The following DST variants were observed in gnomAD, a reference collection of about 807,000 sequenced individuals.
DST encodes the protein dystonin.
DST carries 253 observed loss-of-function variants against 875.2 expected under a neutral mutation model. That is an observed-to-expected ratio of 0.29 (90% CI 0.26 to 0.32). DST has a LOEUF of 0.32. Among genes scored for constraint, DST ranks in the 10% least tolerant of loss-of-function variants. The pLI, the probability that DST is intolerant of heterozygous loss-of-function variation, is 1.00. For missense variants in DST, 8,287 were observed against 9,111.6 expected (o/e 0.91, Z 3.68); for synonymous variants, 3,124 against 3,197.1 (o/e 0.98, Z 0.77).
At chr6:56,856,215 G>A (rs955716578) in intron 3 of DST, among the ~76,000 whole-genome samples, 8 of 152,128 alleles carry the variant, frequency 5.3e-5, no homozygotes, top group South Asian at 4.1e-4. Flanking sequence ...CTGAAACCCC[G>A]GTGGGGGATC....
intron 9 of DST, among the ~76,000 whole-genome samples, chr6:56,698,450 C>T (rs1468408434): frequency 2.0e-5 from 3 of 152,032 alleles, no homozygotes; most frequent in Admixed American, 2.0e-4. Context: ...CTCAGCCTCC[C>T]GAGTAGCTGG....
chr6:56,593,728 T>C lies in DST; in HGVS notation c.12661A>G (p.Thr4221Ala). ...RDGGKVDTSATHREVQRKLDH... is the reference protein window; with the variant it reads ...RDGGKVDTSAAHREVQRKLDH... The stretch of plus-strand genomic sequence containing the variant: ...AACTTGCGCTGCACTTCTCTGTGGG[T>C]TGCAGAAGTATCAACCTTGCCACCG... Residue 4221 changes from threonine (T) to alanine (A), a missense_variant, in exon 48 of 104, where the codon ACC becomes GCC. Around this residue, in one of 10 missense-constraint regions of DST, gnomAD observed 1,513 missense variants for 1,677.8 expected, o/e 0.90. Coordinates refer to ENST00000680361, the MANE Select transcript of DST (RefSeq NM_001374736.1). The C allele has an allele frequency of 6.2e-6, 10 of 1,613,682 alleles. No individual in the cohort carries two copies. Among genetic ancestry groups the C allele is most frequent in the Non-Finnish European group, 8.5e-6 (10 of 1,179,680 alleles).
intron 61 of DST, among the ~76,000 whole-genome samples, 153 bp downstream of exon 61, chr6:56,552,031 C>A (rs2097334223): frequency 6.6e-6 from 1 of 152,188 alleles, no homozygotes; most frequent in Admixed American, 6.5e-5. Context: ...GCCCCACCTG[C>A]CTGGGTGTTA....
intron 97 of DST, 156 bp downstream of exon 97, chr6:56,469,727 A>T: frequency 1.5e-6 from 1 of 650,538 alleles, no homozygotes; most frequent in Non-Finnish European, 2.7e-6. Context: ...TATACAAATT[A>T]AAATGTTAAA....
At chr6:56,924,677 G>GT (rs796988421) in intron 2 of DST, among the ~76,000 whole-genome samples, 35 of 151,294 alleles carry the variant, frequency 2.3e-4, no homozygotes, top group South Asian at 6.3e-4. Flanking sequence ...AAGAGAGCTA[G>GT]TTTTTTTTTG....
chr6:56,479,827 C>G (rs907836138), intron 90 of DST, among the ~76,000 whole-genome samples: 1 of 152,154 alleles, frequency 6.6e-6, no homozygotes, highest in East Asian at 1.9e-4. Flanking sequence ...TATTGGGTAC[C>G]GTGTTTAACA....
intron 9 of DST, among the ~76,000 whole-genome samples, chr6:56,676,075 T>C (rs2099128201): frequency 6.6e-6 from 1 of 152,046 alleles, no homozygotes; most frequent in South Asian, 2.1e-4. Flanking sequence ...TGGTTTTTGT[T>C]TGTTTGTTTG....
chr6:56,773,096 T>C (rs533628126), intron 4 of DST, among the ~76,000 whole-genome samples: 2 of 152,008 alleles, frequency 1.3e-5, no homozygotes, highest in Non-Finnish European at 2.9e-5. Context: ...AGCTGAGCCT[T>C]GAGATGACTA....
intron 85 of DST, among the ~76,000 whole-genome samples, chr6:56,491,162 CA>C (rs1447623535): frequency 6.6e-6 from 1 of 152,150 alleles, no homozygotes; most frequent in Non-Finnish European, 1.5e-5. Context: ...TCACACCTCC[CA>C]TTCAAAATGG....
chr6:56,836,713 T>C (rs1420081903), intron 4 of DST, among the ~76,000 whole-genome samples: 1 of 150,834 alleles, frequency 6.6e-6, no homozygotes, highest in African/African-American at 2.4e-5. Flanking sequence ...TAGCCGGGCG[T>C]GATGGCGGGC....
intron 9 of DST, among the ~76,000 whole-genome samples, chr6:56,677,816 G>A (rs2099137984): frequency 6.6e-6 from 1 of 152,070 alleles, no homozygotes; most frequent in African/African-American, 2.4e-5. Context: ...TATTTGATCT[G>A]GGCTTTATCT....
At chr6:56,479,267 T>C (rs2095320703) in intron 90 of DST, among the ~76,000 whole-genome samples, 1 of 151,918 alleles carries the variant, frequency 6.6e-6, no homozygotes, top group African/African-American at 2.4e-5. Flanking sequence ...TACTAAAAAG[T>C]GAAAAAACAA....
chr6:56,591,583 T>C (rs901612682), intron 49 of DST, among the ~76,000 whole-genome samples: 4 of 152,110 alleles, frequency 2.6e-5, no homozygotes, highest in Admixed American at 1.3e-4. Context: ...GATAAGTAAG[T>C]ATAAAGATAA....
At chr6:56,549,765 ATGAACAATGGC>A (rs1463725562) in intron 61 of DST, among the ~76,000 whole-genome samples, 1 of 152,314 alleles carries the variant, frequency 6.6e-6, no homozygotes, top group African/African-American at 2.4e-5. Flanking sequence ...TTGGATTAAA[ATGAACAATGGC>A]TGGGTATTCG....
At chr6:56,534,409 A>G (rs2096956633) in intron 63 of DST, among the ~76,000 whole-genome samples, 1 of 152,110 alleles carries the variant, frequency 6.6e-6, no homozygotes. Flanking sequence ...CATTGCTATC[A>G]GGGGCACAAA....
Position 56,714,288 on chromosome 6 carries a change from T to C in DST, c.688-9919A>G, listed in dbSNP as rs1255819551. Among the ~76,000 whole-genome samples, 2 of 152,234 alleles carry C rather than the reference T, an allele frequency of 1.3e-5. No homozygotes were observed. The highest frequency in any genetic ancestry group is 1.3e-4 in the Admixed American group (2 of 15,278). On this transcript the variant is annotated intron_variant, in intron 5 of 103. Transcript: ENST00000680361. The surrounding 1 kb of genome is among the most constrained non-coding windows in gnomAD (Gnocchi z 4.5). ...TGACAGATGCTATATACACTCCTGT[T>C]AAATTAATCTCTGCAACAGAAATAT...
At chr6:56,750,068 G>C (rs2099582960) in intron 4 of DST, among the ~76,000 whole-genome samples, 1 of 152,124 alleles carries the variant, frequency 6.6e-6, no homozygotes, top group Non-Finnish European at 1.5e-5. Flanking sequence ...TGAGCAAAAG[G>C]AAAGGCACAC....
rs2097721542 is a variant in DST, at chr6:56,568,551, T to C, written c.13923A>G (p.Lys4641=). 10 of 1,612,446 alleles carry C rather than the reference T, an allele frequency of 6.2e-6. No individual in the cohort carries two copies. In the East Asian group the frequency reaches 2.2e-4, roughly 36 times the overall value. ...ATAGTGAGATCCCACTGTTGTTTAC[T>C]TTCTGAATCTCTGGTGTTTTTAAAC... The part of the protein sequence containing the change: ...KWSLKTPEIQ[K]VNNSGISLCN... The change falls in exon 55 of 104, where the codon AAA becomes AAG. Residue 4641 remains lysine, a synonymous_variant. Transcript: ENST00000680361.
At chr6:56,489,348 A>T (rs2095663941) in intron 86 of DST, 142 bp downstream of exon 86, 2 of 681,744 alleles carry the variant, frequency 2.9e-6, no homozygotes, top group Non-Finnish European at 4.3e-6. Flanking sequence ...CATGAAGAGC[A>T]ATAGCTTTTA....
Sources: gnomAD v4.1 joint callset for allele counts (sites outside exome capture counted in the v4.1 genomes callset) on GRCh38, gnomAD v4.1.1 for gene constraint, gnomAD v4.1.1 regional missense constraint, Gnocchi (gnomAD v3.1) non-coding constraint, MANE v1.5 for transcripts, NCBI Gene and HGNC (gene_info 2026-07-23, HGNC 2026-07-21) for gene names.